Variants in CADM2 observed in about 807,000 individuals in gnomAD.
CADM2 encodes cell adhesion molecule 2.
A neutral mutation model predicts 49.8 loss-of-function variants in CADM2; 12 were observed. That is an observed-to-expected ratio of 0.24 (90% confidence interval 0.15 to 0.39). The LOEUF is 0.39. Ranked by LOEUF, CADM2 falls within the 10% of genes least tolerant of loss-of-function variation. The pLI is 1.00. For synonymous variants in CADM2, 214 were observed against 175.4 expected, an observed-to-expected ratio of 1.22 and a Z score of -1.74; for missense variants, 378 against 492.3, an observed-to-expected ratio of 0.77 and a Z score of 2.20.
chr3:85,481,746 G>C (rs1164113848), intron 1 of CADM2, among the ~76,000 whole-genome samples: 1 of 150,990 alleles, frequency 6.6e-6, no homozygotes, highest in East Asian at 1.9e-4. Flanking sequence ...TAGGATTTCT[G>C]TCAGCACAAG....
At chr3:85,052,359 A>G (rs192614308) in intron 1 of CADM2, among the ~76,000 whole-genome samples, 5 of 152,222 alleles carry the variant, frequency 3.3e-5, no homozygotes, top group Non-Finnish European at 7.4e-5. Context: ...AAGTATTACC[A>G]TTGACTTATA....
intron 1 of CADM2, among the ~76,000 whole-genome samples, chr3:85,061,519 G>A (rs1041095257): frequency 1.3e-5 from 2 of 152,052 alleles, no homozygotes; most frequent in African/African-American, 4.8e-5. Context: ...TTTCAACATC[G>A]GGAGTATTCC....
chr3:85,008,145 A>G (rs2033827806), intron 1 of CADM2, among the ~76,000 whole-genome samples: 1 of 152,056 alleles, frequency 6.6e-6, no homozygotes, highest in Non-Finnish European at 1.5e-5. Flanking sequence ...GTTGGCACCA[A>G]CTCCAGTCTA....
At chr3:85,132,772 A>T (rs953193574) in intron 1 of CADM2, among the ~76,000 whole-genome samples, 2 of 152,196 alleles carry the variant, frequency 1.3e-5, no homozygotes, top group Admixed American at 1.3e-4. Context: ...CGTAAGAGGA[A>T]ACTAACATAA....
At chr3:85,506,067 C>T (rs2040338379) in intron 1 of CADM2, among the ~76,000 whole-genome samples, 1 of 152,188 alleles carries the variant, frequency 6.6e-6, no homozygotes, top group African/African-American at 2.4e-5. Flanking sequence ...TATAATACTA[C>T]TGCAATTTCT....
intron 1 of CADM2, among the ~76,000 whole-genome samples, chr3:85,121,578 T>C (rs1054585053): frequency 2.0e-5 from 3 of 152,310 alleles, no homozygotes; most frequent in Non-Finnish European, 2.9e-5. Flanking sequence ...AATATGTCCA[T>C]AGATGACCTA....
chr3:85,721,771 G>A (rs1050799660), intron 1 of CADM2, among the ~76,000 whole-genome samples: 10 of 152,344 alleles, frequency 6.6e-5, no homozygotes, highest in South Asian at 2.1e-4. Context: ...TTGGCTCCCC[G>A]AAGGGCCACA....
chr3:85,259,417 C>G (rs936353103), intron 1 of CADM2, among the ~76,000 whole-genome samples: 5 of 147,904 alleles, frequency 3.4e-5, no homozygotes, highest in South Asian at 4.3e-4. Context: ...TTTCAGAAAA[C>G]TTTCATGATA....
intron 5 of CADM2, among the ~76,000 whole-genome samples, chr3:85,886,793 C>T (rs1458960590): frequency 6.6e-6 from 1 of 152,040 alleles, no homozygotes; most frequent in Non-Finnish European, 1.5e-5. Flanking sequence ...TTAATTCTCA[C>T]AAAAGGCAAA....
chr3:85,088,760 TAGAA>T (rs1307808317), intron 1 of CADM2, among the ~76,000 whole-genome samples: 12 of 152,162 alleles, frequency 7.9e-5, no homozygotes, highest in Non-Finnish European at 1.5e-4. Context: ...AAATTGTCTT[TAGAA>T]AGAAAGATAT....
intron 1 of CADM2, among the ~76,000 whole-genome samples, chr3:84,977,171 C>A (rs1031898635): frequency 2.0e-5 from 3 of 151,884 alleles, no homozygotes; most frequent in Non-Finnish European, 4.4e-5. Flanking sequence ...TGAAAGAAAT[C>A]AGAATCTCCA....
chr3:85,537,823 T>C (rs1332906733), intron 1 of CADM2, among the ~76,000 whole-genome samples: 2 of 152,228 alleles, frequency 1.3e-5, no homozygotes, highest in East Asian at 3.9e-4. Context: ...GAACTAATTA[T>C]ATATCAAAAT....
intron 1 of CADM2, among the ~76,000 whole-genome samples, chr3:85,659,576 T>C (rs150263584): frequency 1.1e-3 from 164 of 152,272 alleles, no homozygotes; most frequent in African/African-American, 3.2e-3. Flanking sequence ...AATTTTCATT[T>C]TCTGATCTCC....
Position 86,066,887 on chromosome 3 carries a change from A to G in CADM2, c.*104A>G, listed in dbSNP as rs1439749643. 3.9e-6 allele frequency: 3 copies of G among 763,378 alleles called. No individual in the cohort carries two copies. The highest frequency in any genetic ancestry group is 6.9e-6 in the Non-Finnish European group (3 of 433,258). 47.3% of individuals were successfully genotyped at this position (763,378 alleles called of 1,614,324 possible). The stretch of plus-strand genomic sequence containing the variant: ...CTACCATCGTCTGCTACCCTTATTA[A>G]CTCCCATACTGTACTGCTATCAGTA... On this transcript the variant is annotated 3_prime_UTR_variant, in exon 10 of 10. Transcript: ENST00000383699.
intron 1 of CADM2, among the ~76,000 whole-genome samples, chr3:85,333,189 G>T (rs980927461): frequency 2.0e-4 from 30 of 151,700 alleles, no homozygotes; most frequent in Middle Eastern, 6.8e-3. Flanking sequence ...AATTATAAAA[G>T]AATGAATGGA....
intron 3 of CADM2, among the ~76,000 whole-genome samples, chr3:85,854,755 T>C (rs1314935897): frequency 6.6e-6 from 1 of 152,126 alleles, no homozygotes; most frequent in Non-Finnish European, 1.5e-5. Context: ...GTTCTGCATA[T>C]GTATCCCAGA....
chr3:85,726,789 A>G (rs1669542399), intron 2 of CADM2, among the ~76,000 whole-genome samples: 1 of 152,066 alleles, frequency 6.6e-6, no homozygotes, highest in East Asian at 1.9e-4. Context: ...ATTCCTAAGT[A>G]TTTCAAAGTG....
At position 86,070,771 on chromosome 3, in the gene CADM2, G is replaced by C. The variant is rs531806238; in HGVS notation, c.*3988G>C. 1 of 151,906 alleles carries C rather than the reference G, an allele frequency of 6.6e-6. No homozygotes were observed. The highest frequency in any genetic ancestry group is 2.4e-5 in the African/African-American group (1 of 41,414). The allele number at this position is 151,906 out of a possible 1,614,324, so 9.4% of individuals were successfully genotyped here. ...ATAGGTAACTACAGTGTACGTACAT[G>C]TAAGTATCTTGTACTTGCTGTGTAT... On this transcript the variant is annotated 3_prime_UTR_variant, in exon 10 of 10. Coordinates refer to ENST00000383699, the MANE Select transcript of CADM2 (RefSeq NM_001167675.2).
At chr3:86,066,266 G>A (rs1475453290) in intron 9 of CADM2, among the ~76,000 whole-genome samples, 1 of 143,592 alleles carries the variant, frequency 7.0e-6, no homozygotes, top group Non-Finnish European at 1.5e-5. Flanking sequence ...CCGGGAGGCG[G>A]AGCTTGCGGT....
Sources: allele counts gnomAD v4.1 joint callset (sites outside exome capture counted in the v4.1 genomes callset), GRCh38; gene constraint gnomAD v4.1.1; transcripts MANE v1.5; gene names NCBI Gene and HGNC (gene_info 2026-07-23, HGNC 2026-07-21).